The following DNM3 variants were observed in gnomAD, a reference collection of about 807,000 sequenced individuals.
The protein encoded by DNM3 is dynamin-3.
DNM3 carries 47 observed loss-of-function variants against 101.6 expected under a neutral mutation model. The observed-to-expected ratio is 0.46, with a 90% CI of 0.37 to 0.59. DNM3 has a LOEUF of 0.59. Among genes scored for constraint, DNM3 ranks in the 20% least tolerant of loss-of-function variants. The probability of loss-of-function intolerance (pLI) is 0.00; values close to 1 mark genes in which losing one functional copy is unlikely to be tolerated. For missense variants in DNM3, 849 were observed against 1,085.7 expected (o/e 0.78, Z 3.06); for synonymous variants, 385 against 387.9 (o/e 0.99, Z 0.09).
At chr1:172,284,136 C>T (rs1398242261) in intron 15 of DNM3, among the ~76,000 whole-genome samples, 2 of 152,178 alleles carry the variant, frequency 1.3e-5, no homozygotes, top group East Asian at 3.8e-4. Flanking sequence ...AGTTTTAAAA[C>T]ATGAAATCAT....
chr1:172,040,488 T>C (rs768303418), intron 7 of DNM3, among the ~76,000 whole-genome samples: 5 of 152,142 alleles, frequency 3.3e-5, no homozygotes, highest in Non-Finnish European at 5.9e-5. Flanking sequence ...GTTTTTTTTT[T>C]TCGTGTTTCT....
At chr1:172,108,209 T>C (rs1226796225) in intron 13 of DNM3, among the ~76,000 whole-genome samples, 1 of 152,150 alleles carries the variant, frequency 6.6e-6, no homozygotes, top group Non-Finnish European at 1.5e-5. Context: ...AATCTTAGGG[T>C]CTCAGATTTA....
At chr1:171,860,897 A>C (rs1286974466) in intron 1 of DNM3, among the ~76,000 whole-genome samples, 1 of 152,104 alleles carries the variant, frequency 6.6e-6, no homozygotes, top group African/African-American at 2.4e-5. Context: ...GACTGAGAAA[A>C]AAGTTGGGAG....
chr1:172,199,098 G>T (rs778606938), intron 14 of DNM3, among the ~76,000 whole-genome samples: 7 of 152,004 alleles, frequency 4.6e-5, no homozygotes, highest in Non-Finnish European at 7.4e-5. Context: ...AGAGATTCTG[G>T]TGTGTTGTAT....
At chr1:172,074,565 T>C (rs1199294780) in intron 11 of DNM3, among the ~76,000 whole-genome samples, 1 of 152,008 alleles carries the variant, frequency 6.6e-6, no homozygotes, top group African/African-American at 2.4e-5. Flanking sequence ...GAACATGCAG[T>C]GTTTGGTTTT....
intron 17 of DNM3, among the ~76,000 whole-genome samples, chr1:172,357,134 G>A (rs1234988546): frequency 1.3e-4 from 19 of 152,000 alleles, no homozygotes. Context: ...TAATTTAGAA[G>A]AGAAGATCAA....
intron 14 of DNM3, among the ~76,000 whole-genome samples, chr1:172,143,567 G>T (rs1199916992): frequency 6.6e-6 from 1 of 151,718 alleles, no homozygotes; most frequent in African/African-American, 2.4e-5. Flanking sequence ...ACTGACCAAA[G>T]AAAACTTCTG....
At chr1:172,397,275 T>G (rs2070085362) in intron 20 of DNM3, 1 of 152,640 alleles carries the variant, frequency 6.6e-6, no homozygotes, top group South Asian at 2.1e-4. Context: ...TTATTGCCCT[T>G]TGGGGTGGAA....
intron 5 of DNM3, 23 bp downstream of exon 5, chr1:172,032,523 A>G: frequency 9.8e-7 from 1 of 1,018,514 alleles, no homozygotes; most frequent in East Asian, 2.7e-5. Context: ...GGTCTATACA[A>G]GACTTTTTTT....
chr1:171,923,475 A>G (rs12082641), intron 2 of DNM3, among the ~76,000 whole-genome samples: 1,662 of 151,182 alleles, frequency 0.011, 34 homozygotes, highest in African/African-American at 0.038. Context: ...TTTTCTTGGC[A>G]GTGTCCTTTG....
chr1:172,238,476 T>A (rs1287466062), intron 14 of DNM3, among the ~76,000 whole-genome samples: 1 of 152,156 alleles, frequency 6.6e-6, no homozygotes, highest in African/African-American at 2.4e-5. Context: ...CCAGGAAGAA[T>A]AATTAATAAG....
intron 4 of DNM3, among the ~76,000 whole-genome samples, 185 bp downstream of exon 4, chr1:171,989,333 T>G (rs2045486482): frequency 6.6e-6 from 1 of 151,840 alleles, no homozygotes; most frequent in African/African-American, 2.4e-5. Flanking sequence ...ATAAATAATT[T>G]TAGTAAAGAT....
chr1:172,157,343 A>G (rs1232838240), intron 14 of DNM3, among the ~76,000 whole-genome samples: 2 of 152,108 alleles, frequency 1.3e-5, no homozygotes, highest in African/African-American at 4.8e-5. Context: ...TTCAAGTGAT[A>G]GAGAGCAGCT....
intron 15 of DNM3, among the ~76,000 whole-genome samples, chr1:172,267,290 C>A (rs1180249876): frequency 6.6e-6 from 1 of 152,146 alleles, no homozygotes; most frequent in Non-Finnish European, 1.5e-5. Flanking sequence ...TGCATGGATG[C>A]AAAACTTTCC....
intron 15 of DNM3, among the ~76,000 whole-genome samples, chr1:172,294,052 C>A (rs1557945478): frequency 2.0e-5 from 3 of 152,150 alleles, no homozygotes; most frequent in African/African-American, 7.2e-5. Context: ...GGAAGACCTC[C>A]AAATGGAAAC....
intron 1 of DNM3, among the ~76,000 whole-genome samples, chr1:171,898,291 A>C (rs2037991316): frequency 6.6e-6 from 1 of 152,096 alleles, no homozygotes; most frequent in African/African-American, 2.4e-5. Flanking sequence ...TTTTGAACCT[A>C]ATTTCACAAG....
chr1:172,054,830 G>A (rs1216242649), intron 10 of DNM3, among the ~76,000 whole-genome samples: 2 of 152,022 alleles, frequency 1.3e-5, no homozygotes, highest in African/African-American at 2.4e-5. Flanking sequence ...ATGGTGGGGG[G>A]TGCCTATAAT....
chr1:172,315,355 T>C (rs1246874494), intron 16 of DNM3, among the ~76,000 whole-genome samples: 2 of 152,130 alleles, frequency 1.3e-5, no homozygotes, highest in African/African-American at 4.8e-5. Context: ...AGGAACGCAG[T>C]TCCTCACCAG....
Position 172,411,171 on chromosome 1 carries a change from A to T in DNM3, c.*3330A>T. 5 of 985,246 alleles carry T rather than the reference A, an allele frequency of 5.1e-6. No individual in the cohort carries two copies. Among genetic ancestry groups the T allele is most frequent in the Non-Finnish European group, 6.0e-6 (5 of 829,768 alleles). 61.0% of individuals were successfully genotyped at this position (985,246 alleles called of 1,614,324 possible). On this transcript the variant is annotated 3_prime_UTR_variant, in exon 21 of 21. Coordinates refer to ENST00000627582, the MANE Select transcript of DNM3 (RefSeq NM_015569.5). ...TGTGTGGTATCAGGATATTTTTTAA[A>T]CTGTGATAATACAACAGATAGCTTT...
Sources: gnomAD v4.1 joint callset for allele counts (sites outside exome capture counted in the v4.1 genomes callset) on GRCh38, gnomAD v4.1.1 for gene constraint, MANE v1.5 for transcripts, NCBI Gene and HGNC (gene_info 2026-07-23, HGNC 2026-07-21) for gene names.